Variants in CNTN5 observed in about 807,000 individuals in gnomAD.
CNTN5 encodes the protein contactin 5.
In CNTN5, 77 loss-of-function variants were observed where a neutral mutation model predicts 129.1. The observed-to-expected ratio is 0.60, with a 90% CI of 0.50 to 0.72. CNTN5 has a LOEUF of 0.72. Ranked by LOEUF, CNTN5 falls within the 30% of genes least tolerant of loss-of-function variation. The probability of loss-of-function intolerance (pLI) is 0.00; values close to 1 mark genes in which losing one functional copy is unlikely to be tolerated. For synonymous variants in CNTN5, 509 were observed against 465.6 expected (o/e 1.09, Z -1.20); for missense variants, 1,478 against 1,328.8 (o/e 1.11, Z -1.75).
chr11:99,694,641 G>T lies in CNTN5; in HGVS notation c.56-124903G>T, dbSNP rs551514403. On this transcript the variant is annotated intron_variant, in intron 3 of 24. Transcript: ENST00000524871. ...CCTATCAACCTGTCATCTACATTAG[G>T]TATTTCTCCTAATGCTATCCCTCCC... is the stretch of plus-strand genomic sequence containing the variant. 3.3e-5 allele frequency among the ~76,000 whole-genome samples: 5 copies of T among 152,094 alleles called. No homozygotes were observed. The South Asian group carries it at 1.0e-3, about 32-fold the overall frequency.
intron 2 of CNTN5, among the ~76,000 whole-genome samples, chr11:99,366,551 T>G (rs12418078): frequency 0.058 from 8,794 of 152,206 alleles, 588 homozygotes; most frequent in East Asian, 0.2. Context: ...TTTCTTTGAC[T>G]TTAAAGAAGA....
intron 1 of CNTN5, among the ~76,000 whole-genome samples, chr11:99,104,301 G>A (rs140511370): frequency 6.6e-6 from 1 of 152,080 alleles, no homozygotes; most frequent in South Asian, 2.1e-4. Flanking sequence ...GATAACTATT[G>A]GAGGCTGTCC....
intron 3 of CNTN5, among the ~76,000 whole-genome samples, chr11:99,798,242 G>T (rs1946009254): frequency 6.6e-6 from 1 of 151,086 alleles, no homozygotes; most frequent in African/African-American, 2.5e-5. Context: ...GGTTTGCTTA[G>T]GATAAGCAAT....
intron 1 of CNTN5, among the ~76,000 whole-genome samples, chr11:99,310,540 C>A (rs1299238117): frequency 1.3e-5 from 2 of 151,962 alleles, no homozygotes; most frequent in African/African-American, 4.8e-5. Context: ...TGTTTTTAGG[C>A]ACATTATTAC....
At chr11:99,477,263 C>G (rs1251523770) in intron 2 of CNTN5, among the ~76,000 whole-genome samples, 1 of 151,530 alleles carries the variant, frequency 6.6e-6, no homozygotes, top group Non-Finnish European at 1.5e-5. Flanking sequence ...AATTTAGTAC[C>G]CCTACATAAG....
chr11:99,927,509 A>G (rs1160396048), intron 7 of CNTN5, among the ~76,000 whole-genome samples: 1 of 152,170 alleles, frequency 6.6e-6, no homozygotes, highest in African/African-American at 2.4e-5. Context: ...TGGGGGCCTC[A>G]GGAAACTTAA....
chr11:99,573,397 C>T (rs1370408535), intron 3 of CNTN5, among the ~76,000 whole-genome samples: 3 of 151,614 alleles, frequency 2.0e-5, no homozygotes, highest in Non-Finnish European at 4.4e-5. Context: ...AGTGAAACCC[C>T]GTCTCTACTA....
intron 1 of CNTN5, among the ~76,000 whole-genome samples, chr11:99,048,117 G>A (rs977870388): frequency 1.3e-5 from 2 of 151,784 alleles, no homozygotes; most frequent in African/African-American, 4.8e-5. Flanking sequence ...AAAGCATTTT[G>A]GAATAACTTT....
intron 6 of CNTN5, among the ~76,000 whole-genome samples, chr11:99,848,660 C>T (rs1947779030): frequency 6.6e-6 from 1 of 152,058 alleles, no homozygotes; most frequent in African/African-American, 2.4e-5. Context: ...ATTCTTGAGG[C>T]ATATTTGCAT....
intron 3 of CNTN5, among the ~76,000 whole-genome samples, chr11:99,817,335 G>A (rs1946620600): frequency 6.6e-6 from 1 of 152,188 alleles, no homozygotes; most frequent in Non-Finnish European, 1.5e-5. Context: ...ACATAACAAA[G>A]GAAGACCTGG....
chr11:99,034,278 C>A (rs1402186036), intron 1 of CNTN5, among the ~76,000 whole-genome samples: 1 of 152,098 alleles, frequency 6.6e-6, no homozygotes, highest in Non-Finnish European at 1.5e-5. Flanking sequence ...ATGATGCTGG[C>A]CTCATACAAT....
At chr11:99,160,339 T>C (rs1860547787) in intron 1 of CNTN5, among the ~76,000 whole-genome samples, 1 of 152,200 alleles carries the variant, frequency 6.6e-6, no homozygotes, top group South Asian at 2.1e-4. Context: ...TTGTTTTGTT[T>C]AGTTTAGCAT....
intron 3 of CNTN5, among the ~76,000 whole-genome samples, chr11:99,685,399 G>A (rs1953746987): frequency 6.6e-6 from 1 of 151,760 alleles, no homozygotes; most frequent in South Asian, 2.1e-4. Context: ...GAAATATGCT[G>A]TTTAAATCTT....
At chr11:99,120,234 C>CT (rs1174523608) in intron 1 of CNTN5, 1 of 152,310 alleles carries the variant, frequency 6.6e-6, no homozygotes, top group East Asian at 1.9e-4. Flanking sequence ...GTTGACCCCA[C>CT]TGATCACCGT....
intron 3 of CNTN5, among the ~76,000 whole-genome samples, chr11:99,702,882 T>A (rs1340505177): frequency 2.6e-5 from 4 of 150,986 alleles, no homozygotes; most frequent in Non-Finnish European, 5.9e-5. Context: ...TCATTTATTT[T>A]TGTTTGTGAG....
At chr11:99,344,522 T>G (rs972373576) in intron 2 of CNTN5, among the ~76,000 whole-genome samples, 3 of 152,184 alleles carry the variant, frequency 2.0e-5, no homozygotes, top group African/African-American at 4.8e-5. Context: ...TATCCATCTT[T>G]TGAAAAATAG....
At chr11:99,130,295 A>G (rs4450140) in intron 1 of CNTN5, among the ~76,000 whole-genome samples, 1 of 151,938 alleles carries the variant, frequency 6.6e-6, no homozygotes, top group Non-Finnish European at 1.5e-5. Context: ...GAAAGAAGAA[A>G]AAAACAGGAG....
chr11:99,177,821 T>C (rs1857852698), intron 1 of CNTN5, among the ~76,000 whole-genome samples: 1 of 151,968 alleles, frequency 6.6e-6, no homozygotes, highest in South Asian at 2.1e-4. Context: ...GCTACACAAA[T>C]AAAGAAAATG....
At chr11:99,772,535 C>T (rs1208503636) in intron 3 of CNTN5, among the ~76,000 whole-genome samples, 3 of 152,126 alleles carry the variant, frequency 2.0e-5, no homozygotes, top group Admixed American at 2.0e-4. Flanking sequence ...GTGTACCCTT[C>T]CTGTTTCACT....
Sources: allele counts gnomAD v4.1 joint callset (sites outside exome capture counted in the v4.1 genomes callset), GRCh38; gene constraint gnomAD v4.1.1; transcripts MANE v1.5; gene names NCBI Gene and HGNC (gene_info 2026-07-23, HGNC 2026-07-21).